Variants in VPS13C observed in about 807,000 individuals in gnomAD.
VPS13C encodes vacuolar protein sorting 13 homolog C, also known as intermembrane lipid transfer protein VPS13C.
VPS13C carries 358 observed loss-of-function variants against 456.8 expected under a neutral mutation model. The observed-to-expected ratio is 0.78, with a 90% CI of 0.72 to 0.86. The LOEUF (loss-of-function observed/expected upper bound fraction) is 0.86. Among genes scored for constraint, VPS13C ranks in the 40% least tolerant of loss-of-function variants. The pLI, the probability that VPS13C is intolerant of heterozygous loss-of-function variation, is 0.00. For missense variants in VPS13C, 4,818 were observed against 4,385.4 expected (o/e 1.10, Z -2.79); for synonymous variants, 1,578 against 1,486.7 (o/e 1.06, Z -1.41).
chr15:62,001,775 T>A (rs1345928780), intron 15 of VPS13C, among the ~76,000 whole-genome samples: 1 of 152,216 alleles, frequency 6.6e-6, no homozygotes, highest in Non-Finnish European at 1.5e-5. Context: ...GGTGTTTGGT[T>A]TTTTGTTCTT....
At chr15:61,900,127 C>A (rs1319883431) in intron 66 of VPS13C, among the ~76,000 whole-genome samples, 5 of 152,094 alleles carry the variant, frequency 3.3e-5, no homozygotes, top group Non-Finnish European at 7.3e-5. Context: ...ATAATAAAAG[C>A]TATCTATGAC....
chr15:61,908,197 A>G (rs2043203132), intron 65 of VPS13C, among the ~76,000 whole-genome samples: 1 of 152,114 alleles, frequency 6.6e-6, no homozygotes, highest in Non-Finnish European at 1.5e-5. Context: ...GAACTGGGAG[A>G]AAAAAAGTAA....
In VPS13C at chr15:61,918,143, A is replaced by G; in HGVS notation, c.7753T>C (p.Ser2585Pro). Residue 2585 changes from serine (S) to proline (P), a missense_variant, in exon 59 of 85, where the codon TCA becomes CCA. By Grantham distance (74) the Ser-to-Pro change is moderately conservative (BLOSUM62 -1). Transcript: ENST00000644861. ...PEEEFHVPLD[S>P]YRCQLFIQPA... ...CATTTAAGAAGTATCTACCTATATG[A>G]ATCTAAAGGAACATGGAACTCCTCT... is the stretch of plus-strand genomic sequence containing the variant. The G allele has an allele frequency of 6.3e-7, 1 of 1,589,790 alleles. No individual in the cohort carries two copies. The highest frequency in any genetic ancestry group is 8.5e-7 in the Non-Finnish European group (1 of 1,172,624).
rs114323469 is a variant in VPS13C at position 62,023,313 on chromosome 15, G to A, written c.624+98C>T. 2,261 of 711,282 alleles carry A rather than the reference G, an allele frequency of 3.2e-3. 52 individuals carry two copies. In the African/African-American group the frequency reaches 0.039, roughly 12 times the overall value. The allele number at this position is 711,282 out of a possible 1,614,324, so 44.1% of individuals were successfully genotyped here. Reference sequence around the variant, plus strand: ...TACTCATAAGAAAAAAATTAATCTCGGATTTAAAAATGGGCACAGATAATC... The same window carrying A: ...TACTCATAAGAAAAAAATTAATCTCAGATTTAAAAATGGGCACAGATAATC... On this transcript the variant is annotated intron_variant, in intron 8 of 84. Coordinates refer to ENST00000644861, the MANE Select transcript of VPS13C (RefSeq NM_020821.3).
chr15:61,902,473 G>T (rs1171608322), intron 66 of VPS13C, among the ~76,000 whole-genome samples: 3 of 152,052 alleles, frequency 2.0e-5, no homozygotes, highest in Non-Finnish European at 4.4e-5. Context: ...CAAACTGAAT[G>T]CAGTAACACA....
intron 53 of VPS13C, 143 bp from the exon 54 acceptor site, chr15:61,922,905 T>C (rs1300655217): frequency 1.4e-6 from 1 of 723,074 alleles, no homozygotes; most frequent in African/African-American, 1.9e-5. Context: ...GTAACTAATT[T>C]AAATTTTGAA....
chr15:61,978,107 A>C (rs1254402600), intron 23 of VPS13C, among the ~76,000 whole-genome samples: 1 of 152,094 alleles, frequency 6.6e-6, no homozygotes, highest in Non-Finnish European at 1.5e-5. Flanking sequence ...AAGCTTTTGG[A>C]AAATAATTAA....
In VPS13C at chr15:61,961,869, C is replaced by A; in HGVS notation, c.3628G>T (p.Ala1210Ser). 1 of 1,612,378 alleles carries A rather than the reference C, an allele frequency of 6.2e-7. No individual in the cohort carries two copies. Among genetic ancestry groups the A allele is most frequent in the Non-Finnish European group, 8.5e-7 (1 of 1,179,310 alleles). Residue 1210 changes from alanine (A) to serine (S), a missense_variant, in exon 35 of 85, where the codon GCC becomes TCC. Transcript: ENST00000644861. ...LLNFLNNFQT[A>S]KESLSAATAQ... is the part of the protein sequence containing the mutation. ...GTGGCAGCACTCAGAGACTCTTTGG[C>A]TGTCTGGAAATTATTCAGGAAGTTC...
At chr15:61,888,266 C>T (rs1204841606) in intron 67 of VPS13C, among the ~76,000 whole-genome samples, 1 of 152,154 alleles carries the variant, frequency 6.6e-6, no homozygotes, top group Non-Finnish European at 1.5e-5. Context: ...ATGATGCAAC[C>T]ACTTTGTAAG....
intron 5 of VPS13C, 29 bp downstream of exon 5, chr15:62,033,412 T>C (rs772213954): frequency 3.4e-6 from 5 of 1,463,568 alleles, no homozygotes; most frequent in Non-Finnish European, 4.7e-6. Context: ...TATAGGTATG[T>C]CTAAGTTTAT....
chr15:62,021,099 C>G (rs914803528), intron 8 of VPS13C, among the ~76,000 whole-genome samples: 1 of 151,708 alleles, frequency 6.6e-6, no homozygotes, highest in Non-Finnish European at 1.5e-5. Context: ...AATGAATACA[C>G]GTGGTCAGTG....
At chr15:61,865,166 C>T (rs944218389) in intron 81 of VPS13C, 3 of 984,618 alleles carry the variant, frequency 3.0e-6, no homozygotes, top group Non-Finnish European at 3.6e-6. Flanking sequence ...AAATGCAACT[C>T]GAGGAATTTA....
intron 81 of VPS13C, chr15:61,865,381 A>G: frequency 1.0e-6 from 1 of 982,518 alleles, no homozygotes; most frequent in Non-Finnish European, 1.2e-6. Flanking sequence ...AGATGGCAAT[A>G]CAAGAATTAA....
At chr15:62,045,973 C>T (rs887525602) in intron 1 of VPS13C, among the ~76,000 whole-genome samples, 1 of 152,054 alleles carries the variant, frequency 6.6e-6, no homozygotes, top group African/African-American at 2.4e-5. Flanking sequence ...TGTGTGCATT[C>T]CACACATACA....
At position 62,013,116 on chromosome 15, in the gene VPS13C, T is replaced by A; in HGVS notation, c.748A>T (p.Ile250Leu). ...NEADKIIYKL[I>L]RLDSLSAYWN... is the part of the protein sequence containing the mutation. ...TAGGCGCTAAGACTATCAAGTCGTA[T>A]AAGCTATAAGAGAAAAATGAAAGAG... Residue 250 changes from isoleucine (I) to leucine (L), a missense_variant, in exon 11 of 85, where the codon ATA (isoleucine) becomes TTA (leucine). Transcript: ENST00000644861. 2 of 1,598,962 alleles carry A rather than the reference T, an allele frequency of 1.3e-6. No homozygotes were observed. Among genetic ancestry groups the A allele is most frequent in the African/African-American group, 2.7e-5 (2 of 74,498 alleles).
At chr15:61,997,134 G>C (rs898522170) in intron 16 of VPS13C, among the ~76,000 whole-genome samples, 1 of 151,968 alleles carries the variant, frequency 6.6e-6, no homozygotes, top group Non-Finnish European at 1.5e-5. Flanking sequence ...TATTTAGTAG[G>C]TTTAATGTTC....
chr15:61,998,475 G>C (rs1276404468), intron 16 of VPS13C, among the ~76,000 whole-genome samples: 1 of 152,096 alleles, frequency 6.6e-6, no homozygotes, highest in Non-Finnish European at 1.5e-5. Context: ...CTATGTGCCA[G>C]GCACATAATC....
intron 1 of VPS13C, among the ~76,000 whole-genome samples, chr15:62,047,322 T>G (rs2048444145): frequency 6.6e-6 from 1 of 151,826 alleles, no homozygotes. Context: ...TAATCCCAAC[T>G]ACTCAGGAGG....
At chr15:62,045,597 G>C (rs1289419845) in intron 1 of VPS13C, among the ~76,000 whole-genome samples, 1 of 151,994 alleles carries the variant, frequency 6.6e-6, no homozygotes. Flanking sequence ...AGAGCTTTCA[G>C]GATAAAAAAT....
Sources: allele counts gnomAD v4.1 joint callset (sites outside exome capture counted in the v4.1 genomes callset), GRCh38; gene constraint gnomAD v4.1.1; transcripts MANE v1.5; gene names NCBI Gene and HGNC (gene_info 2026-07-23, HGNC 2026-07-21).